Variants in MBD5 observed in about 807,000 individuals in gnomAD.
The protein encoded by MBD5 is methyl-CpG-binding domain protein 5.
In MBD5, 13 loss-of-function variants were observed where a neutral mutation model predicts 117.3. The ratio of observed to expected loss-of-function variants is 0.11; its 90% CI spans 0.07 to 0.18. The LOEUF is 0.18. MBD5 is among the 10% of genes least tolerant of loss of function. The pLI, the probability that MBD5 is intolerant of heterozygous loss-of-function variation, is 1.00. For missense variants in MBD5, 1,879 were observed against 2,093.8 expected, an observed-to-expected ratio of 0.90 and a Z score of 2.00; for synonymous variants, 727 against 766.4, an observed-to-expected ratio of 0.95 and a Z score of 0.85.
chr2:148,259,643 T>C (rs1017111724), intron 3 of MBD5, among the ~76,000 whole-genome samples: 3 of 152,172 alleles, frequency 2.0e-5, no homozygotes, highest in Admixed American at 2.0e-4. Flanking sequence ...ATGGCTTTAC[T>C]CTCTCTCTGG....
intron 4 of MBD5, among the ~76,000 whole-genome samples, chr2:148,380,125 A>C (rs1270286277): frequency 6.6e-6 from 1 of 152,186 alleles, no homozygotes; most frequent in East Asian, 1.9e-4. Context: ...ATATGACTAG[A>C]GATAGGGAAG....
At chr2:148,223,579 G>T (rs900534049) in intron 2 of MBD5, among the ~76,000 whole-genome samples, 14 of 152,054 alleles carry the variant, frequency 9.2e-5, no homozygotes, top group Non-Finnish European at 4.4e-5. Context: ...ATGATCATTT[G>T]AATTTCTGTC....
chr2:148,089,775 C>T (rs1298351297), intron 1 of MBD5, among the ~76,000 whole-genome samples: 7 of 151,810 alleles, frequency 4.6e-5, no homozygotes, highest in Non-Finnish European at 7.4e-5. Context: ...AAGGTCAGAC[C>T]TCAAGGAAGT....
chr2:148,161,484 G>A (rs935195611), intron 1 of MBD5, among the ~76,000 whole-genome samples: 5 of 152,178 alleles, frequency 3.3e-5, no homozygotes, highest in Non-Finnish European at 7.3e-5. Flanking sequence ...TTAGATTGAG[G>A]AAGTGTTGTC....
intron 1 of MBD5, among the ~76,000 whole-genome samples, chr2:148,155,098 G>T (rs1697834787): frequency 6.6e-6 from 1 of 152,208 alleles, no homozygotes; most frequent in Admixed American, 6.5e-5. Flanking sequence ...AAAATATGTT[G>T]TGTGTCTGAT....
chr2:148,326,537 A>G (rs1479472896), intron 3 of MBD5, among the ~76,000 whole-genome samples: 2 of 152,192 alleles, frequency 1.3e-5, no homozygotes, highest in Non-Finnish European at 2.9e-5. Context: ...GGGTGCACAT[A>G]TATTTAGGAT....
At chr2:148,073,378 G>A (rs537908073) in intron 1 of MBD5, among the ~76,000 whole-genome samples, 1 of 152,126 alleles carries the variant, frequency 6.6e-6, no homozygotes, top group Non-Finnish European at 1.5e-5. Flanking sequence ...TATAAGGGGT[G>A]GTTTTGAAGT....
At chr2:148,349,283 A>G (rs930029400) in intron 4 of MBD5, among the ~76,000 whole-genome samples, 1 of 151,966 alleles carries the variant, frequency 6.6e-6, no homozygotes, top group Non-Finnish European at 1.5e-5. Context: ...CATTTGTAAA[A>G]TGGGGATAAT....
chr2:148,321,124 G>T (rs1702271631), intron 3 of MBD5, among the ~76,000 whole-genome samples: 1 of 152,158 alleles, frequency 6.6e-6, no homozygotes, highest in Admixed American at 6.5e-5. Context: ...CATTATGCAA[G>T]CATGTATTGC....
At chr2:148,447,040 A>G (rs1462061963) in intron 4 of MBD5, among the ~76,000 whole-genome samples, 2 of 151,454 alleles carry the variant, frequency 1.3e-5, no homozygotes, top group Admixed American at 6.6e-5. Flanking sequence ...GATATTGCCA[A>G]TGATGGTGGA....
intron 1 of MBD5, among the ~76,000 whole-genome samples, chr2:148,044,119 T>G (rs900026105): frequency 1.3e-5 from 2 of 152,242 alleles, no homozygotes; most frequent in Non-Finnish European, 2.9e-5. Flanking sequence ...ATGCATATAT[T>G]AAGTGGTGTT....
chr2:148,266,922 T>C (rs1446955395), intron 3 of MBD5, among the ~76,000 whole-genome samples: 1 of 152,126 alleles, frequency 6.6e-6, no homozygotes, highest in Non-Finnish European at 1.5e-5. Context: ...TTTTGTTGAT[T>C]AAAAGAAAAG....
intron 1 of MBD5, among the ~76,000 whole-genome samples, chr2:148,152,922 G>A (rs1193089357): frequency 2.0e-5 from 3 of 151,816 alleles, no homozygotes; most frequent in Non-Finnish European, 4.4e-5. Flanking sequence ...TTTAATTGGA[G>A]CATTTAGTCC....
chr2:148,259,795 G>C lies in MBD5; in HGVS notation c.-680+26400G>C, dbSNP rs369973599. On this transcript the variant is annotated intron_variant, in intron 3 of 13. Coordinates refer to ENST00000642680, the MANE Select transcript of MBD5 (RefSeq NM_001378120.1). The stretch of plus-strand genomic sequence containing the variant: ...GTGGTTGCATAATGTGCAGAGCTGT[G>C]CACCTGCACCACAAACCCGCTGAGT... 1.9e-4 allele frequency among the ~76,000 whole-genome samples: 29 copies of C among 152,258 alleles called. 1 individual carries two copies. The highest frequency in any genetic ancestry group is 6.7e-4 in the African/African-American group (28 of 41,558).
intron 2 of MBD5, among the ~76,000 whole-genome samples, chr2:148,205,983 A>G (rs1699270666): frequency 6.6e-6 from 1 of 152,090 alleles, no homozygotes; most frequent in South Asian, 2.1e-4. Flanking sequence ...TCTACAAAAA[A>G]TACAAAAATT....
At chr2:148,075,697 A>C (rs767993069) in intron 1 of MBD5, among the ~76,000 whole-genome samples, 4 of 151,718 alleles carry the variant, frequency 2.6e-5, no homozygotes, top group African/African-American at 4.8e-5. Flanking sequence ...CATATGTTGC[A>C]ATTGGTTAAT....
chr2:148,469,067 T>C lies in MBD5; in HGVS notation c.1124T>C (p.Ile375Thr), dbSNP rs757576320. The change falls in exon 8 of 14, where the codon ATC (isoleucine) becomes ACC (threonine). Residue 375 changes from isoleucine (I) to threonine (T), a missense_variant. Around this residue, in one of 4 missense-constraint regions of MBD5, gnomAD observed 1,666 missense variants for 1,792.2 expected, o/e 0.93. Transcript: ENST00000642680. ...AAACCAGTGAATCAGAACCCTGTTA[T>C]CATTAATCCAACCAGTTTCCATTCA... Reference protein sequence around the residue: ...PSKPVNQNPVIINPTSFHSNV... With the variant: ...PSKPVNQNPVTINPTSFHSNV... 1.2e-6 allele frequency: 2 copies of C among 1,613,942 alleles called. No individual in the cohort carries two copies. Among genetic ancestry groups the C allele is most frequent in the Non-Finnish European group, 1.7e-6 (2 of 1,179,998 alleles).
intron 1 of MBD5, among the ~76,000 whole-genome samples, chr2:148,043,271 A>AT (rs1694417493): frequency 6.7e-6 from 1 of 149,590 alleles, no homozygotes; most frequent in African/African-American, 2.5e-5. Context: ...TAAAAATACA[A>AT]AAAAAAAATA....
At chr2:148,395,693 G>C (rs1464256973) in intron 4 of MBD5, among the ~76,000 whole-genome samples, 2 of 152,074 alleles carry the variant, frequency 1.3e-5, no homozygotes, top group African/African-American at 4.8e-5. Context: ...TCAAAGTGCA[G>C]GGATTAGAGG....
Sources: gnomAD v4.1 joint callset for allele counts (sites outside exome capture counted in the v4.1 genomes callset) on GRCh38, gnomAD v4.1.1 for gene constraint, gnomAD v4.1.1 regional missense constraint, MANE v1.5 for transcripts, NCBI Gene and HGNC (gene_info 2026-07-23, HGNC 2026-07-21) for gene names.